The following LARP4B variants were observed in gnomAD, a reference collection of about 807,000 sequenced individuals.
LARP4B encodes la-related protein 4B.
Under a neutral mutation model 89.8 loss-of-function variants are expected in LARP4B, and 12 were observed. The observed-to-expected ratio is 0.13, with a 90% CI of 0.09 to 0.22. The LOEUF is 0.22. LARP4B is among the 10% of genes least tolerant of loss of function. The pLI is 1.00. For missense variants in LARP4B, 757 were observed against 947.7 expected (o/e 0.80, Z 2.64); for synonymous variants, 367 against 363.3 (o/e 1.01, Z -0.12).
chr10:832,231 G>A (rs1477113335), intron 8 of LARP4B, among the ~76,000 whole-genome samples: 1 of 151,774 alleles, frequency 6.6e-6, no homozygotes, highest in Non-Finnish European at 1.5e-5. Context: ...TTTTAGTAGA[G>A]ATGGGGTTTC....
intron 1 of LARP4B, among the ~76,000 whole-genome samples, chr10:903,911 G>C (rs1250120673): frequency 6.6e-6 from 1 of 152,056 alleles, no homozygotes; most frequent in Non-Finnish European, 1.5e-5. Context: ...AAATGGGAAG[G>C]CATATTTGTC....
At chr10:978,937 C>A in the LARP4B span, among the ~76,000 whole-genome samples, 1 of 151,966 alleles carries the variant, frequency 6.6e-6, no homozygotes, top group African/African-American at 2.4e-5. Context: ...TTCCCACCCC[C>A]CCTCCTTAAT....
At chr10:956,447 G>A in the LARP4B span, among the ~76,000 whole-genome samples, 16 of 151,874 alleles carry the variant, frequency 1.1e-4, no homozygotes, top group African/African-American at 3.9e-4. The surrounding 1 kb of genome is among the most constrained non-coding windows in gnomAD (Gnocchi z 4.3). Context: ...CCGGGTTCAC[G>A]CCATTCTCCT....
the LARP4B span, among the ~76,000 whole-genome samples, chr10:954,719 C>T: frequency 1.4e-4 from 22 of 152,222 alleles, no homozygotes; most frequent in South Asian, 4.6e-3. This position sits in a 1 kb window ranked among gnomAD's most constrained non-coding sequence, Gnocchi z 5.0. Flanking sequence ...TGGTGCGACA[C>T]ATGCATGGCA....
At chr10:886,247 T>C (rs558997844) in intron 1 of LARP4B, among the ~76,000 whole-genome samples, 1 of 152,178 alleles carries the variant, frequency 6.6e-6, no homozygotes, top group South Asian at 2.1e-4. Context: ...ATTGGGGAAA[T>C]GCAGAACAAA....
chr10:920,323 C>T (rs1243449770), intron 1 of LARP4B, among the ~76,000 whole-genome samples: 1 of 152,232 alleles, frequency 6.6e-6, no homozygotes, highest in Non-Finnish European at 1.5e-5. Flanking sequence ...CCTAAGACTG[C>T]AACTGCAATA....
At chr10:959,023 C>T in the LARP4B span, among the ~76,000 whole-genome samples, 4 of 152,160 alleles carry the variant, frequency 2.6e-5, no homozygotes, top group African/African-American at 7.2e-5. Context: ...AAGGACGCTC[C>T]GCCTGAGGTC....
At chr10:931,793 GA>G (rs1692819974), upstream of LARP4B, 1 of 151,318 alleles carries the variant, frequency 6.6e-6, no homozygotes, top group African/African-American at 2.4e-5. Flanking sequence ...CGGTCCCGCG[GA>G]CTGGCGCTCA....
intron 1 of LARP4B, among the ~76,000 whole-genome samples, chr10:911,456 G>C (rs533609235): frequency 6.6e-6 from 1 of 152,248 alleles, no homozygotes; most frequent in East Asian, 1.9e-4. Flanking sequence ...ATCCCTGTTT[G>C]CTTCCTGTCT....
At chr10:939,044 T>C in the LARP4B span, among the ~76,000 whole-genome samples, 2 of 152,232 alleles carry the variant, frequency 1.3e-5, no homozygotes, top group African/African-American at 4.8e-5. Flanking sequence ...TGTTTTAAAT[T>C]CCCTATGGCA....
chr10:974,183 CAGACAGCA>C, the LARP4B span, among the ~76,000 whole-genome samples: 2 of 152,072 alleles, frequency 1.3e-5, no homozygotes, highest in African/African-American at 4.8e-5. Context: ...ATTCAACCTC[CAGACAGCA>C]CGGGGTAACC....
Position 900,420 on chromosome 10 carries a change from CTTTTTTTTTTTTTTTT to C in LARP4B, c.-39-14676_-39-14661del, listed in dbSNP as rs529963345. Among the ~76,000 whole-genome samples, 275 of 45,258 alleles carry C rather than the reference CTTTTTTTTTTTTTTTT, an allele frequency of 6.1e-3. 3 individuals are homozygous for C. Among genetic ancestry groups the C allele is most frequent in the Non-Finnish European group, 8.7e-3 (227 of 26,172 alleles). 29.7% of individuals were successfully genotyped at this position (45,258 alleles called of 152,430 possible). On this transcript the variant is annotated intron_variant, in intron 1 of 17. Transcript: ENST00000316157. ...ATTCTAGGATCGGAAAGAAGGATGT[CTTTTTTTTTTTTTTTT>C]TTTTTTTTTTTTTTTTTGAGGTAGG...
intron 5 of LARP4B, among the ~76,000 whole-genome samples, chr10:845,932 A>T (rs975093707): frequency 6.6e-6 from 1 of 152,262 alleles, no homozygotes; most frequent in Non-Finnish European, 1.5e-5. Context: ...AGGCAAAGAC[A>T]AAGTGGGGCG....
chr10:926,995 G>C (rs1265148655), intron 1 of LARP4B, among the ~76,000 whole-genome samples: 1 of 151,412 alleles, frequency 6.6e-6, no homozygotes, highest in Non-Finnish European at 1.5e-5. Context: ...AGCCGTGATC[G>C]TGCCAGTGCG....
At chr10:914,659 G>A (rs995035560) in intron 1 of LARP4B, among the ~76,000 whole-genome samples, 12 of 151,772 alleles carry the variant, frequency 7.9e-5, no homozygotes, top group Admixed American at 2.6e-4. Context: ...GCTGGGCATG[G>A]TGGCGCATGC....
chr10:824,844 C>G (rs1387158223), intron 13 of LARP4B, among the ~76,000 whole-genome samples: 2 of 152,222 alleles, frequency 1.3e-5, no homozygotes, highest in African/African-American at 4.8e-5. Context: ...AGTGTTTCTA[C>G]AAATAATGAT....
chr10:980,566 C>T, the LARP4B span, among the ~76,000 whole-genome samples: 3 of 152,318 alleles, frequency 2.0e-5, no homozygotes, highest in African/African-American at 4.8e-5. Context: ...GAGCTGCCAA[C>T]GGTTATGTTC....
the LARP4B span, among the ~76,000 whole-genome samples, chr10:973,446 G>A: frequency 6.6e-6 from 1 of 152,064 alleles, no homozygotes; most frequent in African/African-American, 2.4e-5. Context: ...CTGCCTCCCG[G>A]GGTCACACCA....
chr10:812,895 C>A lies in LARP4B; in HGVS notation c.*31G>T, dbSNP rs200155088. 17 of 1,511,292 alleles carry A rather than the reference C, an allele frequency of 1.1e-5. No homozygotes were observed. The highest frequency in any genetic ancestry group is 4.2e-5 in the African/African-American group (3 of 71,492). 93.6% of individuals were successfully genotyped at this position (1,511,292 alleles called of 1,614,324 possible). A position where few individuals can be genotyped will look rare whatever the true frequency, so the allele number is the denominator to read the frequency against. Reference sequence around the variant, plus strand: ...AGTGTCTCGTTTGTGGTTAACACAGCGCTCTGCGACCCCTCCCAGACGTAC... The same window carrying A: ...AGTGTCTCGTTTGTGGTTAACACAGAGCTCTGCGACCCCTCCCAGACGTAC... On this transcript the variant is annotated 3_prime_UTR_variant, in exon 18 of 18. Transcript: ENST00000316157.
Sources: allele counts gnomAD v4.1 joint callset (sites outside exome capture counted in the v4.1 genomes callset), GRCh38; gene constraint gnomAD v4.1.1; non-coding constraint Gnocchi (gnomAD v3.1); transcripts MANE v1.5; gene names NCBI Gene and HGNC (gene_info 2026-07-23, HGNC 2026-07-21).